The following MCL1 variants were observed in gnomAD, a reference collection of about 807,000 sequenced individuals.
MCL1 encodes the protein MCL1 apoptosis regulator, BCL2 family member.
In MCL1, 4 loss-of-function variants were observed where a neutral mutation model predicts 24.2. The observed-to-expected ratio is 0.17, with a 90% CI of 0.08 to 0.38. The LOEUF is 0.38. Among genes scored for constraint, MCL1 ranks in the 10% least tolerant of loss-of-function variants. The pLI, the probability that MCL1 is intolerant of heterozygous loss-of-function variation, is 1.00. For synonymous variants in MCL1, 248 were observed against 214.0 expected, an observed-to-expected ratio of 1.16 and a Z score of -1.39; for missense variants, 529 against 480.3, an observed-to-expected ratio of 1.10 and a Z score of -0.95.
chr1:150,574,901 C>A lies in MCL1; in HGVS notation c.*2474G>T, dbSNP rs182383007. 8.1e-5 allele frequency: 19 copies of A among 233,326 alleles called. 1 individual carries two copies. In the East Asian group the frequency reaches 1.0e-3, roughly 13 times the overall value. 14.5% of individuals were successfully genotyped at this position (233,326 alleles called of 1,614,324 possible). ...CTTAGACCACCTGCCTCCTCCTCCCCCTATAAACCCACCACTCCCCTCCTC... is the reference window on the plus strand; with the variant it reads ...CTTAGACCACCTGCCTCCTCCTCCCACTATAAACCCACCACTCCCCTCCTC... On this transcript the variant is annotated 3_prime_UTR_variant, in exon 3 of 3. Coordinates refer to ENST00000369026, the MANE Select transcript of MCL1 (RefSeq NM_021960.5).
At chr1:150,577,540 TC>T (rs757561483) in intron 2 of MCL1, 49 bp from the exon 3 acceptor site, 2 of 1,415,228 alleles carry the variant, frequency 1.4e-6, no homozygotes, top group Non-Finnish European at 9.2e-7. Context: ...GTTTCTGCTC[TC>T]TTACAACACT....
In MCL1 at chr1:150,575,823, T is replaced by C. The variant is rs1647773144; in HGVS notation, c.*1552A>G. 8.6e-6 allele frequency: 2 copies of C among 233,160 alleles called. No individual in the cohort carries two copies. Among genetic ancestry groups the C allele is most frequent in the Non-Finnish European group, 1.7e-5 (2 of 118,020 alleles). 14.4% of individuals were successfully genotyped at this position (233,160 alleles called of 1,614,324 possible). On this transcript the variant is annotated 3_prime_UTR_variant, in exon 3 of 3. Transcript: ENST00000369026. ...GGAAAGCTGTAGGAATTGATATAAA[T>C]ATCTGTAGAGGGAGCAGAACAATCA...
chr1:150,579,316 T>C lies in MCL1; in HGVS notation c.215A>G (p.Asp72Gly), dbSNP rs757408948. 325 of 1,480,080 alleles carry C rather than the reference T, an allele frequency of 2.2e-4. 1 individual carries two copies. In the Middle Eastern group the frequency reaches 5.0e-3, roughly 23 times the overall value. The allele number at this position is 1,480,080 out of a possible 1,614,324, so 91.7% of individuals were successfully genotyped here. ...GASPPSTLTPDSRRVARPPPI... is the reference protein window; with the variant it reads ...GASPPSTLTPGSRRVARPPPI... Reference sequence around the variant, plus strand: ...CGGCGGCCGCGCGACCCTCCGGGAGTCTGGCGTGAGGGTGGACGGGGGGCT... The same window carrying C: ...CGGCGGCCGCGCGACCCTCCGGGAGCCTGGCGTGAGGGTGGACGGGGGGCT... Residue 72 changes from aspartate to glycine, a missense_variant, in exon 1 of 3, where the codon GAC (aspartate) becomes GGC (glycine). Asp to Gly is a moderately conservative substitution (Grantham distance 94). Transcript: ENST00000369026.
At position 150,577,049 on chromosome 1, in the gene MCL1, A is replaced by G. The variant is rs1647837722; in HGVS notation, c.*326T>C. The G allele has an allele frequency of 3.3e-6, 1 of 300,700 alleles. No homozygotes were observed. Among genetic ancestry groups the G allele is most frequent in the Non-Finnish European group, 6.4e-6 (1 of 156,894 alleles). The allele number at this position is 300,700 out of a possible 1,614,324, so 18.6% of individuals were successfully genotyped here. A position where few individuals can be genotyped will look rare whatever the true frequency, so the allele number is the denominator to read the frequency against. On this transcript the variant is annotated 3_prime_UTR_variant, in exon 3 of 3. Coordinates refer to ENST00000369026, the MANE Select transcript of MCL1 (RefSeq NM_021960.5). ...TCTATGACTTGCCTGGCTACTGGCC[A>G]CTTTCCTGTTCTCAACAAGGAAATT...
In MCL1 at chr1:150,579,179, C is replaced by G; in HGVS notation, c.352G>C (p.Ala118Pro). ...LEEMEAPAAD[A>P]IMSPEEELDG... Reference sequence around the variant, plus strand: ...AGCTCCTCTTCGGGCGACATGATGGCGTCAGCGGCCGGGGCTTCCATCTCC... The same window carrying G: ...AGCTCCTCTTCGGGCGACATGATGGGGTCAGCGGCCGGGGCTTCCATCTCC... The change falls in exon 1 of 3, where the codon GCC (alanine) becomes CCC (proline). Residue 118 changes from alanine (A) to proline (P), a missense_variant. Transcript: ENST00000369026. 1 of 1,605,936 alleles carries G rather than the reference C, an allele frequency of 6.2e-7. No individual in the cohort carries two copies. The highest frequency in any genetic ancestry group is 1.3e-5 in the African/African-American group (1 of 74,938).
At chr1:150,578,141 C>G (rs1005269262) in intron 2 of MCL1, 103 bp downstream of exon 2, 3 of 1,286,876 alleles carry the variant, frequency 2.3e-6, no homozygotes, top group African/African-American at 1.5e-5. Flanking sequence ...AGCCTGCAAA[C>G]AGCCGTGCGT....
rs1396777116 is a variant in MCL1, at chr1:150,575,090, A to C, written c.*2285T>G. 8.6e-6 allele frequency: 2 copies of C among 233,374 alleles called. No individual in the cohort carries two copies. The highest frequency in any genetic ancestry group is 4.4e-5 in the African/African-American group (2 of 45,344). The allele number at this position is 233,374 out of a possible 1,614,324, so 14.5% of individuals were successfully genotyped here. A position where few individuals can be genotyped will look rare whatever the true frequency, so the allele number is the denominator to read the frequency against. On this transcript the variant is annotated 3_prime_UTR_variant, in exon 3 of 3. Coordinates refer to ENST00000369026, the MANE Select transcript of MCL1 (RefSeq NM_021960.5). ...CACTTGTTTCCACTGGATTTGGCAG[A>C]CAGGCTTTTTTAGTTACCGTAACCA...
intron 1 of MCL1, 119 bp downstream of exon 1, chr1:150,578,724 T>G: frequency 8.6e-7 from 1 of 1,161,096 alleles, no homozygotes; most frequent in South Asian, 1.5e-5. Context: ...GCTTCAGGAA[T>G]AGGATGAGAC....
In MCL1 at chr1:150,579,319, G is replaced by A; in HGVS notation, c.212C>T (p.Pro71Leu). The part of the protein sequence containing the change: ...AGASPPSTLT[P>L]DSRRVARPPP... ...CGGCCGCGCGACCCTCCGGGAGTCT[G>A]GCGTGAGGGTGGACGGGGGGCTTGC... The change falls in exon 1 of 3, where the codon CCA becomes CTA. Residue 71 changes from proline to leucine, a missense_variant. Pro to Leu is a moderately conservative substitution (Grantham distance 98). Transcript: ENST00000369026. 1 of 1,477,566 alleles carries A rather than the reference G, an allele frequency of 6.8e-7. No homozygotes were observed. Among genetic ancestry groups the A allele is most frequent in the East Asian group, 2.5e-5 (1 of 39,760 alleles). 91.5% of individuals were successfully genotyped at this position (1,477,566 alleles called of 1,614,324 possible). A position where few individuals can be genotyped will look rare whatever the true frequency, so the allele number is the denominator to read the frequency against.
chr1:150,577,312 C>A lies in MCL1; in HGVS notation c.*63G>T, dbSNP rs587649103. The A allele has an allele frequency of 4.0e-5, 64 of 1,591,076 alleles. No individual in the cohort carries two copies. The South Asian group carries it at 7.1e-4, about 18-fold the overall frequency. ...GAAGTTACAGCTTGGAGTCCAACTG[C>A]ATAAACTGGTTTTGGTGGTGGTGGT... is the stretch of plus-strand genomic sequence containing the variant. On this transcript the variant is annotated 3_prime_UTR_variant, in exon 3 of 3. Coordinates refer to ENST00000369026, the MANE Select transcript of MCL1 (RefSeq NM_021960.5).
At position 150,578,719 on chromosome 1, in the gene MCL1, A is replaced by T. The variant is rs766347895; in HGVS notation, c.688+124T>A. On this transcript the variant is annotated intron_variant, in intron 1 of 2. Coordinates refer to ENST00000369026, the MANE Select transcript of MCL1 (RefSeq NM_021960.5). ...CTCATGGCCAGAATATTCTGGCTTC[A>T]GGAATAGGATGAGACACGTTTCAAC... 514 of 1,141,114 alleles carry T rather than the reference A, an allele frequency of 4.5e-4. 1 individual carries two copies. The highest frequency in any genetic ancestry group is 8.8e-4 in the South Asian group (58 of 65,712). The allele number at this position is 1,141,114 out of a possible 1,614,324, so 70.7% of individuals were successfully genotyped here. A position where few individuals can be genotyped will look rare whatever the true frequency, so the allele number is the denominator to read the frequency against.
Position 150,576,907 on chromosome 1 carries a change from A to G in MCL1, c.*468T>C. On this transcript the variant is annotated 3_prime_UTR_variant, in exon 3 of 3. Coordinates refer to ENST00000369026, the MANE Select transcript of MCL1 (RefSeq NM_021960.5). ...TAGAGAGAGGAAAAGCTTCCCTTGT[A>G]CAGTACTGAGGCTTACAGTCATAGT... The G allele has an allele frequency of 4.2e-6, 1 of 236,164 alleles. No individual in the cohort carries two copies. The highest frequency in any genetic ancestry group is 6.0e-5 in the East Asian group (1 of 16,550). The allele number at this position is 236,164 out of a possible 1,614,324, so 14.6% of individuals were successfully genotyped here.
chr1:150,579,329 T>C lies in MCL1; in HGVS notation c.202A>G (p.Thr68Ala). 2 of 1,473,100 alleles carry C rather than the reference T, an allele frequency of 1.4e-6. No homozygotes were observed. The highest frequency in any genetic ancestry group is 8.9e-7 in the Non-Finnish European group (1 of 1,119,852). 91.3% of individuals were successfully genotyped at this position (1,473,100 alleles called of 1,614,324 possible). A position where few individuals can be genotyped will look rare whatever the true frequency, so the allele number is the denominator to read the frequency against. ...ACCCTCCGGGAGTCTGGCGTGAGGG[T>C]GGACGGGGGGCTTGCGCCGGCGCTT... Reference protein sequence around the residue: ...GGSAGASPPSTLTPDSRRVAR... With the variant: ...GGSAGASPPSALTPDSRRVAR... Residue 68 changes from threonine (T) to alanine (A), a missense_variant, in exon 1 of 3, where the codon ACC becomes GCC. Transcript: ENST00000369026.
In MCL1 at chr1:150,575,423, G is replaced by C. The variant is rs1170552026; in HGVS notation, c.*1952C>G. On this transcript the variant is annotated 3_prime_UTR_variant, in exon 3 of 3. Coordinates refer to ENST00000369026, the MANE Select transcript of MCL1 (RefSeq NM_021960.5). Reference sequence around the variant, plus strand: ...AGTTTATCAGTAGCTTTTAAACTCTGAGGTTTAACACAGCTCACCTCTTTC... The same window carrying C: ...AGTTTATCAGTAGCTTTTAAACTCTCAGGTTTAACACAGCTCACCTCTTTC... The C allele has an allele frequency of 6.9e-5, 16 of 232,826 alleles. No homozygotes were observed. The East Asian group carries it at 9.1e-4, about 13-fold the overall frequency. 14.4% of individuals were successfully genotyped at this position (232,826 alleles called of 1,614,324 possible).
At position 150,577,329 on chromosome 1, in the gene MCL1, G is replaced by A. The variant is rs2101693083; in HGVS notation, c.*46C>T. 1 of 1,602,922 alleles carries A rather than the reference G, an allele frequency of 6.2e-7. No individual in the cohort carries two copies. Among genetic ancestry groups the A allele is most frequent in the African/African-American group, 1.3e-5 (1 of 74,682 alleles). On this transcript the variant is annotated 3_prime_UTR_variant, in exon 3 of 3. Transcript: ENST00000369026. ...TCCAACTGCATAAACTGGTTTTGGT[G>A]GTGGTGGTGGTTGGTTAAAAGTCAA...
rs1232660469 is a variant in MCL1, at chr1:150,579,575, C to T, written c.-45G>A. On this transcript the variant is annotated 5_prime_UTR_variant, in exon 1 of 3. Transcript: ENST00000369026. ...CTGGCTGAGAAAACTGGGGAAGACC[C>T]CGACTCCTTACTGGAAGGAAGCGGA... 1 of 1,554,758 alleles carries T rather than the reference C, an allele frequency of 6.4e-7. No individual in the cohort carries two copies. The highest frequency in any genetic ancestry group is 8.7e-7 in the Non-Finnish European group (1 of 1,148,470).
At chr1:150,578,158 A>T in intron 2 of MCL1, 86 bp downstream of exon 2, 1 of 1,462,286 alleles carries the variant, frequency 6.8e-7, no homozygotes, top group Non-Finnish European at 9.3e-7. Context: ...GCGTCATAAA[A>T]ACCTTTAGAT....
Position 150,576,586 on chromosome 1 carries a change from C to T in MCL1, c.*789G>A, listed in dbSNP as rs914343984. The T allele has an allele frequency of 1.7e-5, 4 of 232,146 alleles. No homozygotes were observed. Among genetic ancestry groups the T allele is most frequent in the South Asian group, 1.8e-4 (1 of 5,520 alleles). The allele number at this position is 232,146 out of a possible 1,614,324, so 14.4% of individuals were successfully genotyped here. A position where few individuals can be genotyped will look rare whatever the true frequency, so the allele number is the denominator to read the frequency against. The stretch of plus-strand genomic sequence containing the variant: ...GCTGTAAGAAACAGGTTCCTAATTA[C>T]GGAAGTTGCAAAGTTCAAAAGGGTA... On this transcript the variant is annotated 3_prime_UTR_variant, in exon 3 of 3. Coordinates refer to ENST00000369026, the MANE Select transcript of MCL1 (RefSeq NM_021960.5).
chr1:150,574,574 ATTTT>A lies in MCL1; in HGVS notation c.*2797_*2800del, dbSNP rs1156330061. 2 of 224,508 alleles carry A rather than the reference ATTTT, an allele frequency of 8.9e-6. No homozygotes were observed. Among genetic ancestry groups the A allele is most frequent in the African/African-American group, 2.2e-5 (1 of 44,612 alleles). The allele number at this position is 224,508 out of a possible 1,614,324, so 13.9% of individuals were successfully genotyped here. A position where few individuals can be genotyped will look rare whatever the true frequency, so the allele number is the denominator to read the frequency against. ...CACCCTGTATTTGAATAAAAGATTT[ATTTT>A]TTTTTCTCAGGAAAAACAGAAAGTT... On this transcript the variant is annotated 3_prime_UTR_variant, in exon 3 of 3. Transcript: ENST00000369026.
Sources: allele counts gnomAD v4.1 joint callset, GRCh38; gene constraint gnomAD v4.1.1; transcripts MANE v1.5; gene names NCBI Gene and HGNC (gene_info 2026-07-23, HGNC 2026-07-21).